Variants in DAOA observed in about 807,000 individuals in gnomAD.
DAOA encodes D-amino acid oxidase regulator.
In DAOA, 15 loss-of-function variants were observed where a neutral mutation model predicts 16.4. The ratio of observed to expected loss-of-function variants is 0.91; its 90% CI spans 0.61 to 1.41. The LOEUF is 1.41. DAOA is among the 40% of genes most tolerant of loss of function. The pLI, the probability that DAOA is intolerant of heterozygous loss-of-function variation, is 0.00. For synonymous variants in DAOA, 75 were observed against 59.1 expected, an observed-to-expected ratio of 1.27 and a Z score of -1.23; for missense variants, 230 against 176.8, an observed-to-expected ratio of 1.30 and a Z score of -1.71.
intron 3 of DAOA, among the ~76,000 whole-genome samples, chr13:105,472,199 A>C (rs760417411): frequency 1.3e-5 from 2 of 152,224 alleles, no homozygotes; most frequent in African/African-American, 4.8e-5. Flanking sequence ...TGGTATAGGC[A>C]ATCCATTTCA....
At chr13:105,474,290 T>C (rs963592480) in intron 4 of DAOA, among the ~76,000 whole-genome samples, 1 of 152,050 alleles carries the variant, frequency 6.6e-6, no homozygotes, top group African/African-American at 2.4e-5. Context: ...AGAAATTGTT[T>C]CGATTTGCTA....
rs373393405 is a variant in DAOA at position 105,467,514 on chromosome 13, T to C, written c.133+373T>C. ...ACCTGGATCAACTTTTAAATATCTA[T>C]AGGCGCAAACCCAAGCTAGGTCTCA... On this transcript the variant is annotated intron_variant, in intron 3 of 5. Coordinates refer to ENST00000375936, the MANE Select transcript of DAOA (RefSeq NM_172370.5). 37 of 160,402 alleles carry C rather than the reference T, an allele frequency of 2.3e-4. No homozygotes were observed. The South Asian group carries it at 5.1e-3, about 22-fold the overall frequency. 9.9% of individuals were successfully genotyped at this position (160,402 alleles called of 1,614,324 possible).
Position 105,472,613 on chromosome 13 carries a change from T to A in DAOA, c.209T>A (p.Leu70Ter). 4.3e-6 allele frequency: 7 copies of A among 1,614,086 alleles called. No homozygotes were observed. The highest frequency in any genetic ancestry group is 5.9e-6 in the Non-Finnish European group (7 of 1,179,956). The stretch of plus-strand genomic sequence containing the variant: ...AAGAGAAGGCATGAGGACGGCTATT[T>A]GGAAATGGCACAGAGGCATTTACAG... ...GWKRRHEDGYLEMAQRHLQRS... is the reference protein window; with the variant it reads ...GWKRRHEDGY The change falls in exon 4 of 6, where the codon TTG (leucine) becomes TAG (stop). Residue 70 changes from leucine to a stop codon, truncating the protein, a stop_gained. Transcript: ENST00000375936. LOFTEE classifies it high-confidence loss of function.
chr13:105,467,158 C>T lies in DAOA; in HGVS notation c.133+17C>T, dbSNP rs1168906249. 2 of 1,575,668 alleles carry T rather than the reference C, an allele frequency of 1.3e-6. No individual in the cohort carries two copies. The highest frequency in any genetic ancestry group is 2.3e-5 in the East Asian group (1 of 43,874). The stretch of plus-strand genomic sequence containing the variant: ...ACTCTATTGGTATGTTACTCTTTAT[C>T]TTTATATGAATTTAAATTCTTCTAG... On this transcript the variant is annotated intron_variant, in intron 3 of 5. Coordinates refer to ENST00000375936, the MANE Select transcript of DAOA (RefSeq NM_172370.5).
chr13:105,477,126 A>G (rs1877395046), intron 4 of DAOA: 1 of 152,134 alleles, frequency 6.6e-6, no homozygotes, highest in Non-Finnish European at 1.5e-5. Context: ...CTCATTTTGT[A>G]TAAAGCAGGC....
chr13:105,489,926 G>A lies in DAOA; in HGVS notation c.307G>A (p.Gly103Arg), dbSNP rs768802774. The A allele has an allele frequency of 3.7e-6, 6 of 1,613,740 alleles. No individual in the cohort carries two copies. The highest frequency in any genetic ancestry group is 1.7e-5 in the Admixed American group (1 of 59,946). Residue 103 changes from glycine to arginine, a missense_variant, in exon 5 of 6, where the codon GGA becomes AGA. Gly to Arg is a moderately radical substitution (Grantham distance 125). Coordinates refer to ENST00000375936, the MANE Select transcript of DAOA (RefSeq NM_172370.5). ...AELEEVSSHV[G>R]KVFMARNYEF... ...GCTTGAAGAAGTAAGCAGCCATGTT[G>A]GAAAAGTCTTCATGGCAAGAAACTA...
Position 105,490,034 on chromosome 13 carries a change from G to A in DAOA, c.415G>A (p.Asp139Asn). 2 of 1,603,182 alleles carry A rather than the reference G, an allele frequency of 1.2e-6. No homozygotes were observed. Among genetic ancestry groups the A allele is most frequent in the African/African-American group, 2.7e-5 (2 of 74,744 alleles). The change falls in exon 5 of 6, where the codon GAC becomes AAC. Residue 139 changes from aspartate (D) to asparagine (N), a missense_variant. Transcript: ENST00000375936. The stretch of plus-strand genomic sequence containing the variant: ...GACCTGCAACTACAACCAGCAAAAA[G>A]ACCAGTCATGCAACCACAAGGAAAT... ...MWTCNYNQQKDQSCNHKEITS... is the reference protein window; with the variant it reads ...MWTCNYNQQKNQSCNHKEITS...
At chr13:105,488,575 A>G (rs528047483) in intron 4 of DAOA, among the ~76,000 whole-genome samples, 1 of 152,316 alleles carries the variant, frequency 6.6e-6, no homozygotes, top group South Asian at 2.1e-4. Context: ...ATATTCCACT[A>G]CTGTATTCCT....
intron 4 of DAOA, among the ~76,000 whole-genome samples, chr13:105,479,549 C>T (rs539722483): frequency 3.3e-5 from 5 of 152,272 alleles, no homozygotes; most frequent in East Asian, 3.9e-4. Context: ...GCCGGCAATG[C>T]GCCACCTTCC....
intron 2 of DAOA, among the ~76,000 whole-genome samples, 198 bp from the exon 3 acceptor site, chr13:105,466,855 T>TAA (rs201063832): frequency 1.3e-5 from 2 of 148,356 alleles, no homozygotes; most frequent in Non-Finnish European, 3.0e-5. Context: ...GAGCAATTTA[T>TAA]AAAAAAAAAA....
intron 4 of DAOA, chr13:105,475,210 T>C (rs750506701): frequency 1.8e-4 from 38 of 208,728 alleles, no homozygotes; most frequent in Non-Finnish European, 2.9e-4. Context: ...GCTTTTACCA[T>C]GACAAAAAAC....
intron 3 of DAOA, 132 bp from the exon 4 acceptor site, chr13:105,472,406 A>T: frequency 7.7e-7 from 1 of 1,300,530 alleles, no homozygotes; most frequent in Non-Finnish European, 1.0e-6. Context: ...TTTTGTCTTA[A>T]CCAAAAACCT....
intron 2 of DAOA, 146 bp from the exon 3 acceptor site, chr13:105,466,907 G>A: frequency 9.4e-7 from 1 of 1,065,820 alleles, no homozygotes; most frequent in Non-Finnish European, 1.2e-6. Context: ...AAAAAAATAA[G>A]ACGTATTTGG....
At chr13:105,475,113 A>G (rs1877242999) in intron 4 of DAOA, 4 of 904,708 alleles carry the variant, frequency 4.4e-6, no homozygotes, top group African/African-American at 3.6e-5. Context: ...ATAAGAAAGC[A>G]GAAGTGAAGT....
chr13:105,479,018 G>A (rs1877529937), intron 4 of DAOA, among the ~76,000 whole-genome samples: 1 of 151,960 alleles, frequency 6.6e-6, no homozygotes, highest in South Asian at 2.1e-4. Context: ...CTATTCACTG[G>A]GCACTAACAT....
chr13:105,467,890 C>A (rs553030981), intron 3 of DAOA, among the ~76,000 whole-genome samples: 1 of 152,242 alleles, frequency 6.6e-6, no homozygotes, highest in East Asian at 1.9e-4. Context: ...GTGAAAAAAA[C>A]AAGCACATTC....
At chr13:105,469,118 G>C (rs1468773571) in intron 3 of DAOA, among the ~76,000 whole-genome samples, 1 of 152,146 alleles carries the variant, frequency 6.6e-6, no homozygotes, top group African/African-American at 2.4e-5. Context: ...AGGTAGGAGA[G>C]AGTTATCATC....
chr13:105,479,376 T>G (rs986562194), intron 4 of DAOA, among the ~76,000 whole-genome samples: 1 of 152,196 alleles, frequency 6.6e-6, no homozygotes, highest in Admixed American at 6.5e-5. Flanking sequence ...ATTAGCTTTT[T>G]AGGGCTGACA....
chr13:105,479,092 C>A (rs1377619715), intron 4 of DAOA, among the ~76,000 whole-genome samples: 1 of 152,154 alleles, frequency 6.6e-6, no homozygotes, highest in East Asian at 1.9e-4. Flanking sequence ...ATCTTTATCT[C>A]TTTATCTTCG....
Sources: gnomAD v4.1 joint callset for allele counts (sites outside exome capture counted in the v4.1 genomes callset) on GRCh38, gnomAD v4.1.1 for gene constraint, MANE v1.5 for transcripts, NCBI Gene and HGNC (gene_info 2026-07-23, HGNC 2026-07-21) for gene names.